ANO1: variants seen among roughly 807,000 people sequenced by gnomAD.
The protein encoded by ANO1 is anoctamin 1.
In ANO1, 59 loss-of-function variants were observed where a neutral mutation model predicts 124.0. The observed-to-expected ratio is 0.48, with a 90% CI of 0.39 to 0.59. ANO1 has a LOEUF of 0.59. Among genes scored for constraint, ANO1 ranks in the 20% least tolerant of loss-of-function variants. The probability of loss-of-function intolerance (pLI) is 0.00; values close to 1 mark genes in which losing one functional copy is unlikely to be tolerated. For synonymous variants in ANO1, 529 were observed against 532.0 expected (o/e 0.99, Z 0.08); for missense variants, 1,059 against 1,328.0 (o/e 0.80, Z 3.15).
chr11:70,176,883 C>T (rs2048721931), intron 22 of ANO1, among the ~76,000 whole-genome samples: 1 of 152,194 alleles, frequency 6.6e-6, no homozygotes, highest in Non-Finnish European at 1.5e-5. Context: ...GCTCCCAGCC[C>T]CACCCCAGGA....
chr11:70,027,567 A>G (rs1245873130), intron 1 of ANO1, among the ~76,000 whole-genome samples: 6 of 152,232 alleles, frequency 3.9e-5, no homozygotes, highest in Non-Finnish European at 7.3e-5. Context: ...CTTAAGCCAC[A>G]TGGAGGTGGG....
At chr11:69,982,965 T>G (rs1404135393), upstream of ANO1, among the ~76,000 whole-genome samples, 1 of 152,136 alleles carries the variant, frequency 6.6e-6, no homozygotes, top group Non-Finnish European at 1.5e-5. Context: ...TGACAATCTA[T>G]CCTGTCCTGA....
chr11:70,090,301 C>T (rs1208251063), intron 2 of ANO1, among the ~76,000 whole-genome samples: 1 of 152,228 alleles, frequency 6.6e-6, no homozygotes, highest in Non-Finnish European at 1.5e-5. Context: ...GCCACCGCGC[C>T]TGGCCCCTCC....
At chr11:69,972,339 G>C in the ANO1 span, among the ~76,000 whole-genome samples, 2 of 151,964 alleles carry the variant, frequency 1.3e-5, no homozygotes, top group African/African-American at 4.8e-5. Context: ...TTTGAAATGA[G>C]TGCCCAGTCA....
At chr11:69,992,732 C>A (rs1337076156) in intron 1 of ANO1, among the ~76,000 whole-genome samples, 1 of 152,148 alleles carries the variant, frequency 6.6e-6, no homozygotes, top group Non-Finnish European at 1.5e-5. Flanking sequence ...AGAGGCTGGA[C>A]TGTTTGGTGA....
chr11:70,038,886 G>A (rs1555004747), intron 1 of ANO1, among the ~76,000 whole-genome samples: 3 of 152,216 alleles, frequency 2.0e-5, no homozygotes, highest in African/African-American at 7.2e-5. Flanking sequence ...GTGAGTGTGA[G>A]AGGAGTGTGT....
At chr11:70,059,601 G>A (rs1591064272) in intron 1 of ANO1, among the ~76,000 whole-genome samples, 2 of 152,272 alleles carry the variant, frequency 1.3e-5, no homozygotes, top group South Asian at 2.1e-4. Flanking sequence ...AGCCTGATGC[G>A]TAGGAAAAGG....
chr11:70,075,988 AG>A (rs1164775171), upstream of ANO1, among the ~76,000 whole-genome samples: 1 of 152,224 alleles, frequency 6.6e-6, no homozygotes, highest in Non-Finnish European at 1.5e-5. Context: ...CCCCCGGCGA[AG>A]GCCACGAGAG....
intron 7 of ANO1, among the ~76,000 whole-genome samples, chr11:70,113,880 G>C (rs2045881264): frequency 6.6e-6 from 1 of 152,118 alleles, no homozygotes; most frequent in Admixed American, 6.5e-5. Context: ...CTTTGGAGGA[G>C]CTGGGGCCAA....
chr11:70,019,511 C>T (rs533043274), intron 1 of ANO1, among the ~76,000 whole-genome samples: 1 of 152,234 alleles, frequency 6.6e-6, no homozygotes, highest in South Asian at 2.1e-4. Flanking sequence ...TGTGCAGGAG[C>T]CGGCTCACCC....
At chr11:70,003,291 A>C (rs35795308) in intron 1 of ANO1, among the ~76,000 whole-genome samples, 2,258 of 152,302 alleles carry the variant, frequency 0.015, 31 homozygotes, top group Non-Finnish European at 0.024. Context: ...AGGATCTGAG[A>C]TGCTCATCAA....
intron 6 of ANO1, among the ~76,000 whole-genome samples, chr11:70,111,346 T>C (rs1432512824): frequency 2.6e-5 from 4 of 152,240 alleles, no homozygotes; most frequent in African/African-American, 9.6e-5. Context: ...ATCTGCAGGC[T>C]TGCCCTCGGA....
chr11:70,135,405 A>G (rs755127478), intron 11 of ANO1, among the ~76,000 whole-genome samples: 5 of 152,202 alleles, frequency 3.3e-5, no homozygotes, highest in Non-Finnish European at 7.3e-5. Flanking sequence ...ACACAGGGTT[A>G]TGAATTACAG....
rs901907188 is a variant in ANO1 at position 70,153,357 on chromosome 11, CAG to C, written c.1425+230_1425+231del. On this transcript the variant is annotated intron_variant, in intron 14 of 25. Transcript: ENST00000355303. ...ATAAAACTTTATTTGCAAAAACAGA[CAG>C]GGGGCCAGATTTGGCCAAAGGGCTA... Among the ~76,000 whole-genome samples, 7 of 152,326 alleles carry C rather than the reference CAG, an allele frequency of 4.6e-5. No individual in the cohort carries two copies. The South Asian group carries it at 8.3e-4, about 18-fold the overall frequency.
intron 1 of ANO1, among the ~76,000 whole-genome samples, chr11:70,007,370 G>A (rs537922618): frequency 8.0e-5 from 12 of 149,232 alleles, no homozygotes; most frequent in Non-Finnish European, 1.6e-4. Flanking sequence ...TCCGCCTCCC[G>A]GGTTCACGCC....
At chr11:70,084,133 C>T (rs1466689320) in intron 1 of ANO1, among the ~76,000 whole-genome samples, 1 of 152,140 alleles carries the variant, frequency 6.6e-6, no homozygotes, top group Non-Finnish European at 1.5e-5. Context: ...ATAGCCGAAG[C>T]CCTCAGGCGC....
At chr11:70,094,291 G>C (rs1212295541) in intron 2 of ANO1, among the ~76,000 whole-genome samples, 1 of 152,222 alleles carries the variant, frequency 6.6e-6, no homozygotes, top group African/African-American at 2.4e-5. Flanking sequence ...CATGGCCTCA[G>C]GACAGGGAAG....
At chr11:69,971,631 G>A in the ANO1 span, among the ~76,000 whole-genome samples, 1 of 151,228 alleles carries the variant, frequency 6.6e-6, no homozygotes, top group African/African-American at 2.4e-5. Context: ...TTCCTCACTG[G>A]CTGCCTCCCT....
intron 2 of ANO1, among the ~76,000 whole-genome samples, chr11:70,096,084 G>T (rs767560447): frequency 1.3e-5 from 2 of 152,170 alleles, no homozygotes; most frequent in Non-Finnish European, 1.5e-5. Flanking sequence ...TTCTCCTCCC[G>T]GGGCTGTCTC....
Sources: gnomAD v4.1 joint callset for allele counts (sites outside exome capture counted in the v4.1 genomes callset) on GRCh38, gnomAD v4.1.1 for gene constraint, MANE v1.5 for transcripts, NCBI Gene and HGNC (gene_info 2026-07-23, HGNC 2026-07-21) for gene names.